Variants in COP1 observed in about 807,000 individuals in gnomAD.
COP1 encodes E3 ubiquitin-protein ligase COP1.
In COP1, 24 loss-of-function variants were observed where a neutral mutation model predicts 101.3. That is an observed-to-expected ratio of 0.24 (90% CI 0.17 to 0.33). The LOEUF (loss-of-function observed/expected upper bound fraction) is 0.33, where lower values mean the gene tolerates loss of function less well. Among genes scored for constraint, COP1 ranks in the 10% least tolerant of loss-of-function variants. The probability of loss-of-function intolerance (pLI) is 1.00; values close to 1 mark genes in which losing one functional copy is unlikely to be tolerated. For synonymous variants in COP1, 347 were observed against 341.9 expected, an observed-to-expected ratio of 1.01 and a Z score of -0.17; for missense variants, 663 against 906.2, an observed-to-expected ratio of 0.73 and a Z score of 3.45.
intron 9 of COP1, among the ~76,000 whole-genome samples, chr1:176,099,448 A>G (rs1558106592): frequency 6.6e-6 from 1 of 151,980 alleles, no homozygotes; most frequent in Non-Finnish European, 1.5e-5. Flanking sequence ...TGAACTATTT[A>G]CAGTCTTTAA....
At chr1:176,179,770 G>C (rs1231519115) in intron 2 of COP1, among the ~76,000 whole-genome samples, 2 of 150,952 alleles carry the variant, frequency 1.3e-5, no homozygotes, top group African/African-American at 4.9e-5. Context: ...CAATATACAA[G>C]AAATTATTCC....
At chr1:175,947,061 A>G in intron 19 of COP1, 134 bp downstream of exon 19, 1 of 686,470 alleles carries the variant, frequency 1.5e-6, no homozygotes, top group East Asian at 2.5e-5. Flanking sequence ...CCTTAAATCA[A>G]GCCATTTGTA....
chr1:176,180,780 G>C (rs1355222657), intron 2 of COP1, among the ~76,000 whole-genome samples: 4 of 152,098 alleles, frequency 2.6e-5, no homozygotes, highest in Admixed American at 1.3e-4. Context: ...AGAACAGCCA[G>C]GACAAATCAG....
At chr1:175,970,115 A>G (rs759816023) in intron 18 of COP1, among the ~76,000 whole-genome samples, 1 of 152,150 alleles carries the variant, frequency 6.6e-6, no homozygotes, top group Non-Finnish European at 1.5e-5. Context: ...TCCAAGTTGA[A>G]GCAAGGAATG....
rs1700948850 is a variant in COP1, at chr1:176,207,156, C to A, written c.-178G>T. ...AAGGCAGCCACACAACAGCGTCCCA[C>A]GGGAGGGGGCGGAGGAAACTAAAAA... On this transcript the variant is annotated 5_prime_UTR_variant, in exon 1 of 20. Coordinates refer to ENST00000367669, the MANE Select transcript of COP1 (RefSeq NM_022457.7). The A allele has an allele frequency of 1.3e-5, 6 of 451,314 alleles. No individual in the cohort carries two copies. Among genetic ancestry groups the A allele is most frequent in the Non-Finnish European group, 2.3e-5 (6 of 265,708 alleles). The allele number at this position is 451,314 out of a possible 1,614,324, so 28.0% of individuals were successfully genotyped here.
intron 11 of COP1, among the ~76,000 whole-genome samples, chr1:176,069,745 A>G (rs1317096929): frequency 6.6e-6 from 1 of 152,180 alleles, no homozygotes; most frequent in African/African-American, 2.4e-5. Flanking sequence ...GTTTCCTTAT[A>G]TTACCCAGAA....
At chr1:176,090,213 CT>C (rs1344017367) in intron 9 of COP1, among the ~76,000 whole-genome samples, 2 of 152,116 alleles carry the variant, frequency 1.3e-5, no homozygotes, top group African/African-American at 2.4e-5. Flanking sequence ...TTCCCACCCC[CT>C]GTCCCTGCCT....
intron 11 of COP1, among the ~76,000 whole-genome samples, chr1:176,074,939 A>C (rs1352547889): frequency 1.3e-5 from 2 of 152,206 alleles, no homozygotes; most frequent in Non-Finnish European, 2.9e-5. Context: ...TTAAAAGCAT[A>C]GTATACATTC....
Position 176,206,955 on chromosome 1 carries a change from C to A in COP1, c.24G>T (p.Gly8=). The A allele has an allele frequency of 7.0e-7, 1 of 1,437,078 alleles. No individual in the cohort carries two copies. The highest frequency in any genetic ancestry group is 1.4e-5 in the South Asian group (1 of 73,342). The allele number at this position is 1,437,078 out of a possible 1,614,324, so 89.0% of individuals were successfully genotyped here. A position where few individuals can be genotyped will look rare whatever the true frequency, so the allele number is the denominator to read the frequency against. ...CGGGGCTTGTCCCAGCGGAGCCCGACCCGGCCTGGCGGCTACCAGACATCG... is the reference window on the plus strand; with the variant it reads ...CGGGGCTTGTCCCAGCGGAGCCCGAACCGGCCTGGCGGCTACCAGACATCG... The part of the protein sequence containing the change: MSGSRQA[G]SGSAGTSPGS... The change falls in exon 1 of 20, where the codon GGG becomes GGT. Residue 8 remains glycine (G), a synonymous_variant. Coordinates refer to ENST00000367669, the MANE Select transcript of COP1 (RefSeq NM_022457.7).
intron 15 of COP1, among the ~76,000 whole-genome samples, chr1:175,999,045 C>T (rs10798435): frequency 0.86 from 131,325 of 152,090 alleles, 58,773 homozygotes; most frequent in Non-Finnish European, 0.98. Flanking sequence ...AACACATCAG[C>T]GACTTAACTG....
At chr1:176,016,646 T>C (rs1665703099) in intron 15 of COP1, among the ~76,000 whole-genome samples, 1 of 152,196 alleles carries the variant, frequency 6.6e-6, no homozygotes, top group African/African-American at 2.4e-5. Context: ...CAGGTACATG[T>C]AATTCTATTT....
At chr1:176,171,476 A>G (rs1696047162) in intron 3 of COP1, among the ~76,000 whole-genome samples, 1 of 152,188 alleles carries the variant, frequency 6.6e-6, no homozygotes, top group Non-Finnish European at 1.5e-5. Flanking sequence ...TCTCCATATC[A>G]GCAATAAGCG....
At chr1:176,072,174 G>A (rs1677119688) in intron 11 of COP1, among the ~76,000 whole-genome samples, 2 of 152,050 alleles carry the variant, frequency 1.3e-5, no homozygotes, top group African/African-American at 2.4e-5. Context: ...CATGTCATTG[G>A]TAATTCACAA....
chr1:176,048,129 G>A (rs1671829174), intron 11 of COP1, among the ~76,000 whole-genome samples: 5 of 150,560 alleles, frequency 3.3e-5, no homozygotes, highest in Middle Eastern at 3.4e-3. Flanking sequence ...ACATTGATAC[G>A]CCCACTTTTC....
chr1:175,971,878 A>G (rs1558182827), intron 18 of COP1, among the ~76,000 whole-genome samples: 1 of 152,146 alleles, frequency 6.6e-6, no homozygotes, highest in Non-Finnish European at 1.5e-5. Flanking sequence ...ACATCTTCCA[A>G]AGTGACCAAC....
rs76692030 is a variant in COP1 at position 176,112,360 on chromosome 1, C to T, written c.1026+4264G>A. Reference sequence around the variant, plus strand: ...TAAGTTTTAGGGTACATGTGCACAACGTGCAGGTTTGTTACGTATATATAC... The same window carrying T: ...TAAGTTTTAGGGTACATGTGCACAATGTGCAGGTTTGTTACGTATATATAC... On this transcript the variant is annotated intron_variant, in intron 9 of 19. Coordinates refer to ENST00000367669, the MANE Select transcript of COP1 (RefSeq NM_022457.7). Among the ~76,000 whole-genome samples, 12 of 151,872 alleles carry T rather than the reference C, an allele frequency of 7.9e-5. No individual in the cohort carries two copies. In the East Asian group the frequency reaches 9.7e-4, roughly 12 times the overall value.
chr1:175,973,880 C>T (rs538456997), intron 18 of COP1, among the ~76,000 whole-genome samples: 3 of 152,280 alleles, frequency 2.0e-5, no homozygotes, highest in Admixed American at 6.5e-5. Flanking sequence ...GCAAGATCTA[C>T]AGCACAAAGA....
intron 14 of COP1, among the ~76,000 whole-genome samples, chr1:176,029,469 C>G (rs1166297914): frequency 6.6e-6 from 1 of 152,148 alleles, no homozygotes; most frequent in Non-Finnish European, 1.5e-5. Context: ...AGGATACACC[C>G]ATAAAATAGA....
chr1:176,032,779 T>TG (rs573684718), intron 14 of COP1, among the ~76,000 whole-genome samples: 137 of 152,028 alleles, frequency 9.0e-4, no homozygotes, highest in African/African-American at 3.2e-3. Context: ...AAATGAAGCC[T>TG]GGAACAAGGT....
Sources: allele counts gnomAD v4.1 joint callset (sites outside exome capture counted in the v4.1 genomes callset), GRCh38; gene constraint gnomAD v4.1.1; transcripts MANE v1.5; gene names NCBI Gene and HGNC (gene_info 2026-07-23, HGNC 2026-07-21).